PCDHGA6: variants seen among roughly 807,000 people sequenced by gnomAD.
The protein encoded by PCDHGA6 is protocadherin gamma-A6.
Under a neutral mutation model 60.6 loss-of-function variants are expected in PCDHGA6, and 41 were observed. That is an observed-to-expected ratio of 0.68 (90% CI 0.53 to 0.88). The LOEUF (loss-of-function observed/expected upper bound fraction) is 0.88. Ranked by LOEUF, PCDHGA6 falls within the 40% of genes least tolerant of loss-of-function variation. The pLI, the probability that PCDHGA6 is intolerant of heterozygous loss-of-function variation, is 0.00. For synonymous variants in PCDHGA6, 594 were observed against 524.4 expected, an observed-to-expected ratio of 1.13 and a Z score of -1.81; for missense variants, 1,312 against 1,203.0, an observed-to-expected ratio of 1.09 and a Z score of -1.34.
chr5:141,383,705 T>C lies in PCDHGA6; in HGVS notation c.2424+7198T>C, dbSNP rs765563941. The C allele has an allele frequency of 5.0e-6, 8 of 1,614,020 alleles. No individual in the cohort carries two copies. In the South Asian group the frequency reaches 8.8e-5, roughly 18 times the overall value. ...CTGCTCACGGTACATGCTATCGACC[T>C]GGACGAGGGAGTCAATGGGGAAGTG... On this transcript the variant is annotated intron_variant, in intron 1 of 3. Transcript: ENST00000517434.
chr5:141,377,024 G>A (rs944242934), intron 1 of PCDHGA6: 5 of 154,950 alleles, frequency 3.2e-5, no homozygotes, highest in African/African-American at 1.2e-4. Context: ...GAAAATTCAA[G>A]ATTGTCTTTG....
intron 2 of PCDHGA6, among the ~76,000 whole-genome samples, chr5:141,498,956 A>G (rs547381859): frequency 2.4e-5 from 3 of 124,058 alleles, no homozygotes; most frequent in African/African-American, 6.3e-5. Context: ...AAAAAGAGAG[A>G]GAGGGAGGGA....
intron 1 of PCDHGA6, chr5:141,399,373 G>A: frequency 6.2e-7 from 1 of 1,613,982 alleles, no homozygotes; most frequent in Non-Finnish European, 8.5e-7. Flanking sequence ...GGAGTACAAT[G>A]TCACCATCAC....
At chr5:141,433,320 T>A in intron 1 of PCDHGA6, 1 of 792,046 alleles carries the variant, frequency 1.3e-6, no homozygotes, top group Non-Finnish European at 2.0e-6. Flanking sequence ...TTGCCTCCGG[T>A]GTAACAGGGA....
rs755293492 is a variant in PCDHGA6 at position 141,394,003 on chromosome 5, C to A, written c.2424+17496C>A. On this transcript the variant is annotated intron_variant, in intron 1 of 3. Transcript: ENST00000517434. ...AATTTACCTTTTAAATTAGAAAAGT[C>A]AATAGGTAATTATTATAGATTAGTG... The A allele has an allele frequency of 1.9e-6, 3 of 1,613,310 alleles. No homozygotes were observed. The South Asian group carries it at 3.3e-5, about 18-fold the overall frequency.
intron 1 of PCDHGA6, chr5:141,394,556 C>T (rs752795340): frequency 1.9e-6 from 3 of 1,614,112 alleles, no homozygotes; most frequent in Admixed American, 3.3e-5. Context: ...CGCCCCGCTC[C>T]GCAGAGCGTG....
At chr5:141,450,702 G>A (rs1466981422) in intron 1 of PCDHGA6, among the ~76,000 whole-genome samples, 1 of 152,026 alleles carries the variant, frequency 6.6e-6, no homozygotes, top group Non-Finnish European at 1.5e-5. Flanking sequence ...GCCCAGGATG[G>A]TCTCCAACTC....
Position 141,485,294 on chromosome 5 carries a change from G to A in PCDHGA6, c.2425-9513G>A, listed in dbSNP as rs2099611126. Reference sequence around the variant, plus strand: ...CTACCCGGTCCCAGAGGAGTCACAGGAAGGGACTTTTGTAGGGAATGTCGC... The same window carrying A: ...CTACCCGGTCCCAGAGGAGTCACAGAAAGGGACTTTTGTAGGGAATGTCGC... On this transcript the variant is annotated intron_variant, in intron 1 of 3. Coordinates refer to ENST00000517434, the MANE Select transcript of PCDHGA6 (RefSeq NM_018919.3). The surrounding 1 kb of genome is among the most constrained non-coding windows in gnomAD (Gnocchi z 5.7). The A allele has an allele frequency of 6.2e-7, 1 of 1,614,044 alleles. No homozygotes were observed. Among genetic ancestry groups the A allele is most frequent in the Non-Finnish European group, 8.5e-7 (1 of 1,179,988 alleles).
At chr5:141,483,801 C>CT (rs1486591615) in intron 1 of PCDHGA6, among the ~76,000 whole-genome samples, 8 of 152,168 alleles carry the variant, frequency 5.3e-5, no homozygotes, top group Non-Finnish European at 8.8e-5. Flanking sequence ...GTTGTTGCTG[C>CT]TTTTTTTGGC....
intron 1 of PCDHGA6, chr5:141,391,513 C>T (rs1485140932): frequency 6.6e-6 from 1 of 152,096 alleles, no homozygotes; most frequent in Non-Finnish European, 1.5e-5. Flanking sequence ...TATTTTCTTT[C>T]ACTAATTTAA....
chr5:141,442,131 A>T, intron 1 of PCDHGA6: 1 of 165,118 alleles, frequency 6.1e-6, no homozygotes, highest in Non-Finnish European at 1.3e-5. Context: ...GACAGCCTGC[A>T]GGAGACTCTG....
At chr5:141,453,989 A>T (rs902043628) in intron 1 of PCDHGA6, among the ~76,000 whole-genome samples, 6 of 152,256 alleles carry the variant, frequency 3.9e-5, no homozygotes, top group African/African-American at 1.4e-4. Context: ...CCTTCCAGTG[A>T]TAAACCCACA....
chr5:141,427,793 G>C, intron 1 of PCDHGA6: 1 of 1,495,528 alleles, frequency 6.7e-7, no homozygotes, highest in Non-Finnish European at 9.2e-7. Flanking sequence ...CGTCCTACGT[G>C]TCCGTGAGCG....
intron 1 of PCDHGA6, among the ~76,000 whole-genome samples, chr5:141,454,907 A>T (rs1304287479): frequency 1.4e-5 from 2 of 139,080 alleles, no homozygotes; most frequent in East Asian, 4.3e-4. Context: ...TCCCGGGTTC[A>T]CGCCATTCTC....
In PCDHGA6 at chr5:141,510,272, T is replaced by TAAA. The variant is rs546154379; in HGVS notation, c.2573-658_2573-656dup. 1.5e-3 allele frequency among the ~76,000 whole-genome samples: 198 copies of TAAA among 130,372 alleles called. 1 individual carries two copies. Among genetic ancestry groups the TAAA allele is most frequent in the Non-Finnish European group, 2.8e-3 (172 of 61,058 alleles). The allele number at this position is 130,372 out of a possible 152,430, so 85.5% of individuals were successfully genotyped here. ...TGGGCGACAGAGCAGGACTCCATCTTAAAAAAAAAAAAAAAAAAATGCTGT... is the reference window on the plus strand; with the variant it reads ...TGGGCGACAGAGCAGGACTCCATCTTAAAAAAAAAAAAAAAAAAAAAATGCTGT... On this transcript the variant is annotated intron_variant, in intron 3 of 3. Coordinates refer to ENST00000517434, the MANE Select transcript of PCDHGA6 (RefSeq NM_018919.3).
At chr5:141,421,320 G>T (rs1561793188) in intron 1 of PCDHGA6, 2 of 1,613,786 alleles carry the variant, frequency 1.2e-6, no homozygotes, top group Non-Finnish European at 1.7e-6. Flanking sequence ...GGGCCAGGCA[G>T]ATCCGATATT....
At chr5:141,383,580 C>A (rs935361844) in intron 1 of PCDHGA6, 1 of 1,613,642 alleles carries the variant, frequency 6.2e-7, no homozygotes, top group South Asian at 1.1e-5. Context: ...GCACCGCCCA[C>A]ATCCAGGTGA....
intron 1 of PCDHGA6, among the ~76,000 whole-genome samples, chr5:141,386,303 T>G (rs938709302): frequency 6.6e-6 from 1 of 152,202 alleles, no homozygotes; most frequent in Non-Finnish European, 1.5e-5. Context: ...TTAGTAAAGC[T>G]CAGTATATCA....
At chr5:141,409,709 T>G (rs1328690143) in intron 1 of PCDHGA6, 2 of 1,613,198 alleles carry the variant, frequency 1.2e-6, no homozygotes, top group Non-Finnish European at 8.5e-7. Context: ...GGCGGTGTCG[T>G]CATACGTGTC....
Sources: allele counts gnomAD v4.1 joint callset (sites outside exome capture counted in the v4.1 genomes callset), GRCh38; gene constraint gnomAD v4.1.1; non-coding constraint Gnocchi (gnomAD v3.1); transcripts MANE v1.5; gene names NCBI Gene and HGNC (gene_info 2026-07-23, HGNC 2026-07-21).